FKBP5: variants seen among roughly 807,000 people sequenced by gnomAD.
FKBP5 encodes peptidyl-prolyl cis-trans isomerase FKBP5.
FKBP5 carries 23 observed loss-of-function variants against 50.5 expected under a neutral mutation model. That is an observed-to-expected ratio of 0.46 (90% confidence interval 0.33 to 0.65). The LOEUF (loss-of-function observed/expected upper bound fraction) is 0.65. Among genes scored for constraint, FKBP5 ranks in the 30% least tolerant of loss-of-function variants. The probability of loss-of-function intolerance (pLI) is 0.02; values close to 1 mark genes in which losing one functional copy is unlikely to be tolerated. For missense variants in FKBP5, 411 were observed against 553.1 expected, an observed-to-expected ratio of 0.74 and a Z score of 2.58; for synonymous variants, 176 against 190.6, an observed-to-expected ratio of 0.92 and a Z score of 0.63.
chr6:35,628,730 T>G (rs1030701231), intron 3 of FKBP5, among the ~76,000 whole-genome samples: 23 of 152,218 alleles, frequency 1.5e-4, no homozygotes, highest in African/African-American at 5.5e-4. Flanking sequence ...TTTGTTTTTG[T>G]TTTTTTGAGA....
At chr6:35,690,693 G>A (rs1040152440), upstream of FKBP5, among the ~76,000 whole-genome samples, 1 of 152,074 alleles carries the variant, frequency 6.6e-6, no homozygotes, top group African/African-American at 2.4e-5. Flanking sequence ...AATTGATTAA[G>A]CATCTACTAT....
intron 1 of FKBP5, among the ~76,000 whole-genome samples, chr6:35,655,758 C>T (rs1181450425): frequency 6.6e-5 from 10 of 152,284 alleles, no homozygotes; most frequent in African/African-American, 2.2e-4. Context: ...AAAATCTAAT[C>T]TGGAAAATTA....
At chr6:35,585,590 T>G in intron 8 of FKBP5, 1 of 984,952 alleles carries the variant, frequency 1.0e-6, no homozygotes, top group Non-Finnish European at 1.2e-6. Context: ...CATACCCCCA[T>G]GCTTTCTGGT....
intron 1 of FKBP5, among the ~76,000 whole-genome samples, chr6:35,724,108 G>T (rs1766659861): frequency 6.6e-6 from 1 of 152,184 alleles, no homozygotes; most frequent in South Asian, 2.1e-4. Context: ...ACATAATGGT[G>T]GTGCTTTCTC....
At chr6:35,702,601 C>T (rs529082361) in intron 2 of FKBP5, among the ~76,000 whole-genome samples, 36 of 151,900 alleles carry the variant, frequency 2.4e-4, no homozygotes, top group South Asian at 1.7e-3. Flanking sequence ...TACAGGCGCC[C>T]GCCACCACGC....
intron 7 of FKBP5, 22 bp from the exon 8 acceptor site, chr6:35,587,139 TG>T: frequency 6.2e-7 from 1 of 1,609,532 alleles, no homozygotes; most frequent in Non-Finnish European, 8.5e-7. Context: ...TTTGTGACAA[TG>T]GTTAGATGAA....
chr6:35,664,302 A>C (rs1273355181), intron 1 of FKBP5, among the ~76,000 whole-genome samples: 3 of 152,004 alleles, frequency 2.0e-5, no homozygotes, highest in African/African-American at 7.2e-5. Context: ...TTTTTTTTAG[A>C]CCCACAGATA....
At chr6:35,679,197 C>T (rs1765602169) in intron 1 of FKBP5, among the ~76,000 whole-genome samples, 1 of 152,174 alleles carries the variant, frequency 6.6e-6, no homozygotes, top group South Asian at 2.1e-4. Flanking sequence ...CTTCATTAGA[C>T]AATTCTCTAC....
At chr6:35,637,358 A>C (rs906709593) in intron 2 of FKBP5, among the ~76,000 whole-genome samples, 200 bp from the exon 3 acceptor site, 7 of 151,786 alleles carry the variant, frequency 4.6e-5, no homozygotes, top group African/African-American at 1.7e-4. Context: ...CTTTTATGTT[A>C]TATCTACTTT....
rs754769157 is a variant in FKBP5, at chr6:35,637,149, T to A, written c.115A>T (p.Arg39Ter). ...KDRGVLKIVK[R>*]VGNGEETPMI... is the part of the protein sequence containing the mutation. ...GGCGTTTCCTCACCATTCCCCACTC[T>A]TTTGACAATCTAGAAAAGACAAACA... Residue 39 changes from arginine to a stop codon, truncating the protein, a stop_gained, in exon 3 of 11, where the codon AGA (arginine) becomes TGA (stop). Coordinates refer to ENST00000357266, the MANE Select transcript of FKBP5 (RefSeq NM_004117.4). LOFTEE classifies it high-confidence loss of function. The A allele has an allele frequency of 1.2e-6, 2 of 1,607,086 alleles. No homozygotes were observed. Among genetic ancestry groups the A allele is most frequent in the Non-Finnish European group, 1.7e-6 (2 of 1,178,620 alleles).
At chr6:35,576,107 G>C (rs1762203488) in intron 10 of FKBP5, among the ~76,000 whole-genome samples, 165 bp from the exon 11 acceptor site, 1 of 152,156 alleles carries the variant, frequency 6.6e-6, no homozygotes, top group Non-Finnish European at 1.5e-5. Context: ...GTTAGAGTGG[G>C]AGCTTCACCT....
chr6:35,652,700 TGTCCTGTG>T lies in FKBP5; in HGVS notation c.-19-9865_-19-9858del, dbSNP rs1325445719. On this transcript the variant is annotated intron_variant, in intron 1 of 10. Transcript: ENST00000357266. ...TTATTAGCAATTTTAATTTCGCCTC[TGTCCTGTG>T]GTCCTGTGATCTCGCCCTGCCTCCA... Among the ~76,000 whole-genome samples the T allele has an allele frequency of 8.5e-5, 13 of 152,346 alleles. No individual in the cohort carries two copies. In the East Asian group the frequency reaches 2.3e-3, roughly 27 times the overall value.
At chr6:35,632,333 T>C (rs1764186099) in intron 3 of FKBP5, among the ~76,000 whole-genome samples, 1 of 152,098 alleles carries the variant, frequency 6.6e-6, no homozygotes, top group Non-Finnish European at 1.5e-5. Context: ...TACGCATGCA[T>C]AGTCAACAGA....
intron 1 of FKBP5, among the ~76,000 whole-genome samples, chr6:35,665,270 G>T (rs1201843251): frequency 6.6e-6 from 1 of 150,790 alleles, no homozygotes; most frequent in Non-Finnish European, 1.5e-5. Flanking sequence ...TGCTCCTTTA[G>T]AATGTCACTA....
At chr6:35,717,801 C>T (rs1766539627) in intron 2 of FKBP5, among the ~76,000 whole-genome samples, 1 of 152,202 alleles carries the variant, frequency 6.6e-6, no homozygotes, top group Non-Finnish European at 1.5e-5. Context: ...CTGGGGTCAC[C>T]TCCCAGGGCA....
At chr6:35,708,874 G>A (rs1766367284) in intron 2 of FKBP5, among the ~76,000 whole-genome samples, 1 of 152,138 alleles carries the variant, frequency 6.6e-6, no homozygotes, top group Non-Finnish European at 1.5e-5. Context: ...AAAAATGACA[G>A]AAGGATCCTA....
chr6:35,655,150 C>G (rs566862858), intron 1 of FKBP5, among the ~76,000 whole-genome samples: 1 of 152,102 alleles, frequency 6.6e-6, no homozygotes, highest in South Asian at 2.1e-4. Flanking sequence ...AGTGAGACCC[C>G]ATGTCTAAAA....
chr6:35,650,701 C>T (rs763813368), intron 1 of FKBP5, among the ~76,000 whole-genome samples: 9 of 152,078 alleles, frequency 5.9e-5, no homozygotes, highest in African/African-American at 2.2e-4. Flanking sequence ...TCTCGAACTC[C>T]TTCAGCTCAA....
chr6:35,656,499 C>G (rs1405062807), intron 1 of FKBP5, among the ~76,000 whole-genome samples: 1 of 152,168 alleles, frequency 6.6e-6, no homozygotes, highest in Non-Finnish European at 1.5e-5. Flanking sequence ...CTTAACAATA[C>G]AGAGTTCACT....
Sources: allele counts gnomAD v4.1 joint callset (sites outside exome capture counted in the v4.1 genomes callset), GRCh38; gene constraint gnomAD v4.1.1; transcripts MANE v1.5; gene names NCBI Gene and HGNC (gene_info 2026-07-23, HGNC 2026-07-21).